Variants in ENKUR observed in about 807,000 individuals in gnomAD.
ENKUR encodes enkurin, TRPC channel interacting protein.
In ENKUR, 19 loss-of-function variants were observed where a neutral mutation model predicts 27.6. That is an observed-to-expected ratio of 0.69 (90% CI 0.48 to 1.01). ENKUR has a LOEUF of 1.01. Among genes scored for constraint, ENKUR ranks in the 50% least tolerant of loss-of-function variants. The pLI is 0.00. For synonymous variants in ENKUR, 117 were observed against 96.9 expected, an observed-to-expected ratio of 1.21 and a Z score of -1.22; for missense variants, 312 against 310.5, an observed-to-expected ratio of 1.00 and a Z score of -0.04.
At chr10:24,996,353 C>T (rs866649254) in intron 2 of ENKUR, among the ~76,000 whole-genome samples, 16 of 151,764 alleles carry the variant, frequency 1.1e-4, no homozygotes, top group South Asian at 2.1e-4. Context: ...GCCTGGGAGG[C>T]GGAGGTTGCA....
intron 1 of ENKUR, among the ~76,000 whole-genome samples, chr10:25,000,701 A>G (rs1479738582): frequency 6.6e-6 from 1 of 152,116 alleles, no homozygotes; most frequent in Non-Finnish European, 1.5e-5. Flanking sequence ...GAGTTTTCCT[A>G]TAGACTGCAT....
intron 2 of ENKUR, among the ~76,000 whole-genome samples, chr10:25,032,488 A>G (rs1476213294): frequency 6.6e-6 from 1 of 152,194 alleles, no homozygotes; most frequent in African/African-American, 2.4e-5. Flanking sequence ...TCACCCTGCT[A>G]CATGGGGTGG....
At chr10:25,012,055 A>G (rs1850459166) in intron 1 of ENKUR, among the ~76,000 whole-genome samples, 1 of 152,198 alleles carries the variant, frequency 6.6e-6, no homozygotes, top group Non-Finnish European at 1.5e-5. Context: ...CTAAAAGGGG[A>G]CAACGTAGAG....
At chr10:25,025,266 T>C in intron 2 of ENKUR, 1 of 1,614,168 alleles carries the variant, frequency 6.2e-7, no homozygotes, top group African/African-American at 1.3e-5. Flanking sequence ...CTTTAAAGAT[T>C]AAAGAAATCA....
rs552883423 is a variant in ENKUR at position 25,021,385 on chromosome 10, A to G, written c.38-25516T>C. Among the ~76,000 whole-genome samples, 21 of 152,344 alleles carry G rather than the reference A, an allele frequency of 1.4e-4. No homozygotes were observed. The South Asian group carries it at 1.7e-3, about 12-fold the overall frequency. On this transcript the variant is annotated intron_variant, in intron 2 of 5. Transcript: ENST00000615958. ...TAGCCTAAAAAACAACTCAGACACT[A>G]ATTTCATAGCTTTAGTCTGCTGACT...
intron 2 of ENKUR, among the ~76,000 whole-genome samples, chr10:25,054,396 T>C (rs1256197894): frequency 6.6e-6 from 1 of 152,220 alleles, no homozygotes; most frequent in Non-Finnish European, 1.5e-5. Flanking sequence ...CATTACAGCT[T>C]GGGCAACAAG....
upstream of ENKUR, among the ~76,000 whole-genome samples, chr10:25,018,659 GTT>G (rs374289213): frequency 2.0e-3 from 189 of 93,738 alleles, 4 homozygotes; most frequent in Middle Eastern, 6.8e-3. Flanking sequence ...AATGAGAGTT[GTT>G]TTTTTTTTTT....
chr10:24,995,818 G>A lies in ENKUR; in HGVS notation c.275C>T (p.Thr92Ile), dbSNP rs1342473785. 1 of 1,613,710 alleles carries A rather than the reference G, an allele frequency of 6.2e-7. No individual in the cohort carries two copies. Among genetic ancestry groups the A allele is most frequent in the African/African-American group, 1.3e-5 (1 of 75,024 alleles). Residue 92 changes from threonine to isoleucine, a missense_variant, in exon 3 of 6, where the codon ACT becomes ATT. Thr to Ile is a moderately conservative substitution (Grantham distance 89). Transcript: ENST00000331161. ...CTGTATTCCCATGACAGGATGATCAGTCTTCAATGGCACAGCAGGCTTTTT... is the reference window on the plus strand; with the variant it reads ...CTGTATTCCCATGACAGGATGATCAATCTTCAATGGCACAGCAGGCTTTTT... Reference protein sequence around the residue: ...VPKKPAVPLKTDHPVMGIQSG... With the variant: ...VPKKPAVPLKIDHPVMGIQSG...
chr10:25,031,530 A>C (rs1850935341), intron 2 of ENKUR, among the ~76,000 whole-genome samples: 1 of 152,192 alleles, frequency 6.6e-6, no homozygotes, highest in South Asian at 2.1e-4. Context: ...AAATTGTTTT[A>C]ATTCACTAAG....
At chr10:25,017,695 C>A (rs1369975361), upstream of ENKUR, among the ~76,000 whole-genome samples, 3 of 149,806 alleles carry the variant, frequency 2.0e-5, no homozygotes, top group East Asian at 2.0e-4. Flanking sequence ...CAGATTTCTT[C>A]ACATCAGATT....
intron 2 of ENKUR, among the ~76,000 whole-genome samples, chr10:25,033,347 T>A (rs1850958208): frequency 2.3e-5 from 3 of 131,336 alleles, no homozygotes; most frequent in South Asian, 4.6e-4. Flanking sequence ...GAGGTTGCCG[T>A]GAGCTATGAT....
At chr10:25,028,436 C>T (rs1300016012) in intron 2 of ENKUR, among the ~76,000 whole-genome samples, 2 of 152,122 alleles carry the variant, frequency 1.3e-5, no homozygotes, top group African/African-American at 4.8e-5. Flanking sequence ...AAAGGCCAGT[C>T]TCTTTAGATG....
chr10:25,024,540 T>G, intron 2 of ENKUR: 1 of 1,614,216 alleles, frequency 6.2e-7, no homozygotes, highest in Non-Finnish European at 8.5e-7. Context: ...ATTTTGATTT[T>G]TGCCAGACAG....
chr10:25,020,262 C>T (rs1564347748), upstream of ENKUR, among the ~76,000 whole-genome samples: 3 of 136,968 alleles, frequency 2.2e-5, no homozygotes, highest in African/African-American at 7.5e-5. Context: ...ATATCTATAT[C>T]TATATCTATA....
chr10:25,057,380 TACACACACACACACACACACAC>T lies in ENKUR; in HGVS notation c.37+3710_37+3731del, dbSNP rs139515865. 2.6e-3 allele frequency among the ~76,000 whole-genome samples: 302 copies of T among 117,810 alleles called. 1 individual carries two copies. The highest frequency in any genetic ancestry group is 3.6e-3 in the Non-Finnish European group (207 of 56,976). The allele number at this position is 117,810 out of a possible 152,430, so 77.3% of individuals were successfully genotyped here. ...ATCAGCTTAACCCTCTGCACTTTGG[TACACACACACACACACACACAC>T]ACACACACACACACACACACACACA... On this transcript the variant is annotated intron_variant, in intron 2 of 5. Coordinates refer to the ENKUR transcript ENST00000615958.
rs1274891657 is a variant in ENKUR, at chr10:25,015,937, G to A, written c.-1C>T. On this transcript the variant is annotated 5_prime_UTR_variant, in exon 1 of 6. Transcript: ENST00000331161. ...ACTCAGAAGAGCACGTTGGATCCAT[G>A]GCCACCAAATGACTCCTTAAAAGCT... The A allele has an allele frequency of 6.2e-7, 1 of 1,605,244 alleles. No homozygotes were observed. The highest frequency in any genetic ancestry group is 1.3e-5 in the African/African-American group (1 of 74,776).
chr10:24,995,609 GA>G (rs750921319), intron 3 of ENKUR, 36 bp downstream of exon 3: 1 of 1,523,280 alleles, frequency 6.6e-7, no homozygotes, highest in Admixed American at 1.9e-5. Context: ...TAAATTATTT[GA>G]ATTTCAGCCC....
At chr10:25,059,735 T>G (rs1262216672) in intron 2 of ENKUR, among the ~76,000 whole-genome samples, 1 of 151,912 alleles carries the variant, frequency 6.6e-6, no homozygotes. Flanking sequence ...GTGAGAAAAT[T>G]GCTTGAACAA....
chr10:24,990,976 A>G (rs1397949376), intron 3 of ENKUR, among the ~76,000 whole-genome samples: 13 of 152,312 alleles, frequency 8.5e-5, no homozygotes, highest in Admixed American at 7.8e-4. Context: ...GGCATGTGCC[A>G]GTAGTCCCAG....
Sources: allele counts gnomAD v4.1 joint callset (sites outside exome capture counted in the v4.1 genomes callset), GRCh38; gene constraint gnomAD v4.1.1; transcripts MANE v1.5; gene names NCBI Gene and HGNC (gene_info 2026-07-23, HGNC 2026-07-21).